Variants in CPNE4 observed in about 807,000 individuals in gnomAD.
CPNE4 encodes copine 4.
A neutral mutation model predicts 67.9 loss-of-function variants in CPNE4; 25 were observed. The ratio of observed to expected loss-of-function variants is 0.37; its 90% CI spans 0.27 to 0.51. CPNE4 has a LOEUF of 0.51. Among genes scored for constraint, CPNE4 ranks in the 20% least tolerant of loss-of-function variants. The pLI is 0.93. For missense variants in CPNE4, 464 were observed against 690.8 expected (o/e 0.67, Z 3.68); for synonymous variants, 242 against 244.9 (o/e 0.99, Z 0.11).
chr3:131,591,248 G>A (rs1433404522), intron 7 of CPNE4, among the ~76,000 whole-genome samples: 1 of 152,148 alleles, frequency 6.6e-6, no homozygotes, highest in East Asian at 1.9e-4. Context: ...CTCACTGAAT[G>A]CCTGCATCTG....
intron 2 of CPNE4, among the ~76,000 whole-genome samples, chr3:131,830,041 A>C (rs2085307823): frequency 6.6e-6 from 1 of 152,158 alleles, no homozygotes; most frequent in Admixed American, 6.6e-5. Context: ...CACACTTTAC[A>C]TATTTTTCTT....
intron 7 of CPNE4, among the ~76,000 whole-genome samples, chr3:131,633,667 A>C (rs1467741757): frequency 2.0e-5 from 3 of 152,200 alleles, no homozygotes; most frequent in African/African-American, 7.2e-5. Flanking sequence ...GATATGGCTA[A>C]AAGTGAGCCA....
intron 7 of CPNE4, among the ~76,000 whole-genome samples, chr3:131,598,073 T>C (rs1017943262): frequency 3.3e-5 from 5 of 152,230 alleles, no homozygotes; most frequent in Non-Finnish European, 5.9e-5. Context: ...TATGCTTTAA[T>C]GGTTGTTGAC....
intron 1 of CPNE4, among the ~76,000 whole-genome samples, 153 bp from the exon 2 acceptor site, chr3:131,905,597 G>A (rs938925112): frequency 2.6e-5 from 4 of 152,154 alleles, no homozygotes. Context: ...CAGTGACACA[G>A]TTCCAGTGAA....
chr3:131,783,838 G>T (rs2083486308), intron 2 of CPNE4, among the ~76,000 whole-genome samples: 1 of 151,986 alleles, frequency 6.6e-6, no homozygotes, highest in Non-Finnish European at 1.5e-5. Flanking sequence ...ATACTGACCA[G>T]ACATTCTGGT....
intron 2 of CPNE4, among the ~76,000 whole-genome samples, chr3:131,825,324 T>C (rs144589760): frequency 0.031 from 4,771 of 151,984 alleles, 174 homozygotes; most frequent in South Asian, 0.094. Context: ...GGTAAAACCC[T>C]GTCTCTACTA....
chr3:131,739,841 C>T (rs1290764104), intron 2 of CPNE4, among the ~76,000 whole-genome samples: 1 of 152,212 alleles, frequency 6.6e-6, no homozygotes, highest in Non-Finnish European at 1.5e-5. Context: ...CCTGGCAATG[C>T]TGAACACAAA....
intron 2 of CPNE4, among the ~76,000 whole-genome samples, chr3:131,791,941 C>T (rs1247873738): frequency 6.6e-6 from 1 of 152,144 alleles, no homozygotes; most frequent in Non-Finnish European, 1.5e-5. Flanking sequence ...TAGAAGACCT[C>T]ATTAAGTTAT....
At chr3:131,860,875 A>C (rs572970655) in intron 2 of CPNE4, among the ~76,000 whole-genome samples, 1 of 152,268 alleles carries the variant, frequency 6.6e-6, no homozygotes, top group South Asian at 2.1e-4. Flanking sequence ...CTGATTTGTG[A>C]GTTTGTCTTT....
chr3:131,830,989 G>A (rs1268321044), intron 2 of CPNE4, among the ~76,000 whole-genome samples: 4 of 152,002 alleles, frequency 2.6e-5, no homozygotes, highest in South Asian at 2.1e-4. Flanking sequence ...TATACTGTTA[G>A]AATAATTGTT....
At chr3:131,966,142 A>G (rs1051880398) in intron 1 of CPNE4, among the ~76,000 whole-genome samples, 1 of 152,224 alleles carries the variant, frequency 6.6e-6, no homozygotes, top group Admixed American at 6.5e-5. Context: ...TAACAAAATT[A>G]AGGCAGAAAT....
At chr3:131,704,648 A>G (rs139777183) in intron 3 of CPNE4, among the ~76,000 whole-genome samples, 3 of 152,320 alleles carry the variant, frequency 2.0e-5, no homozygotes, top group African/African-American at 7.2e-5. Context: ...TTATTCTGTG[A>G]CAGATGATAT....
chr3:131,583,393 G>A (rs555754470), intron 8 of CPNE4, among the ~76,000 whole-genome samples: 4 of 152,234 alleles, frequency 2.6e-5, no homozygotes, highest in Admixed American at 6.5e-5. Context: ...TTGCCCCAAA[G>A]CTTCCTCTAA....
intron 2 of CPNE4, among the ~76,000 whole-genome samples, chr3:131,779,379 AT>A (rs2083376075): frequency 6.6e-6 from 1 of 152,176 alleles, no homozygotes; most frequent in Non-Finnish European, 1.5e-5. Context: ...AGCCAAATCA[AT>A]CCTAAGCAAA....
chr3:131,820,446 GCT>G (rs928818536), intron 2 of CPNE4, among the ~76,000 whole-genome samples: 8 of 152,324 alleles, frequency 5.3e-5, no homozygotes, highest in Middle Eastern at 3.4e-3. Flanking sequence ...TGGTGAGGGG[GCT>G]CTCTGCAGCT....
At chr3:131,870,559 G>A (rs35056724) in intron 2 of CPNE4, among the ~76,000 whole-genome samples, 32,819 of 151,998 alleles carry the variant, frequency 0.22, 4,484 homozygotes, top group East Asian at 0.35. Flanking sequence ...AACTCTGCAT[G>A]AACAAGTACA....
intron 2 of CPNE4, among the ~76,000 whole-genome samples, chr3:131,753,827 T>A (rs2082688213): frequency 6.6e-6 from 1 of 152,168 alleles, no homozygotes; most frequent in Admixed American, 6.6e-5. Flanking sequence ...ATGGTGGGAA[T>A]GTGGATATTA....
At chr3:131,611,618 C>T (rs1276614098) in intron 7 of CPNE4, among the ~76,000 whole-genome samples, 2 of 151,038 alleles carry the variant, frequency 1.3e-5, no homozygotes, top group Non-Finnish European at 2.9e-5. Flanking sequence ...TTTGTGTGGG[C>T]ATATGGAGGA....
chr3:131,685,823 A>C, intron 6 of CPNE4, 52 bp downstream of exon 6: 1 of 1,214,498 alleles, frequency 8.2e-7, no homozygotes, highest in Non-Finnish European at 1.2e-6. Context: ...AAAATAGGTC[A>C]ATTTATCATC....
Sources: allele counts gnomAD v4.1 joint callset (sites outside exome capture counted in the v4.1 genomes callset), GRCh38; gene constraint gnomAD v4.1.1; transcripts MANE v1.5; gene names NCBI Gene and HGNC (gene_info 2026-07-23, HGNC 2026-07-21).